The following STARD13 variants were observed in gnomAD, a reference collection of about 807,000 sequenced individuals.
STARD13 encodes stAR-related lipid transfer protein 13.
A neutral mutation model predicts 106.4 loss-of-function variants in STARD13; 62 were observed. The observed-to-expected ratio is 0.58, with a 90% CI of 0.48 to 0.72. STARD13 has a LOEUF of 0.72. Among genes scored for constraint, STARD13 ranks in the 30% least tolerant of loss-of-function variants. The probability of loss-of-function intolerance (pLI) is 0.00; values close to 1 mark genes in which losing one functional copy is unlikely to be tolerated. For missense variants in STARD13, 1,387 were observed against 1,424.0 expected (o/e 0.97, Z 0.42); for synonymous variants, 565 against 553.0 (o/e 1.02, Z -0.31).
the STARD13 span, among the ~76,000 whole-genome samples, chr13:33,577,001 A>G: frequency 3.4e-4 from 52 of 152,346 alleles, no homozygotes; most frequent in African/African-American, 1.2e-3. Flanking sequence ...TTATGATTCA[A>G]TAAACACAAG....
chr13:33,164,696 C>T (rs1883118986), intron 3 of STARD13, among the ~76,000 whole-genome samples: 1 of 152,184 alleles, frequency 6.6e-6, no homozygotes, highest in African/African-American at 2.4e-5. Flanking sequence ...ATTCACACCT[C>T]ATTTCTTCAA....
chr13:33,524,395 G>C, the STARD13 span: 1 of 487,488 alleles, frequency 2.1e-6, no homozygotes, highest in Admixed American at 5.0e-5. Flanking sequence ...TTTTTAAAGA[G>C]GTTTTTTTCA....
the STARD13 span, among the ~76,000 whole-genome samples, chr13:33,527,821 A>T: frequency 6.6e-6 from 1 of 151,834 alleles, no homozygotes; most frequent in South Asian, 2.1e-4. Flanking sequence ...TCTTACTCAG[A>T]TGATTTGAAA....
the STARD13 span, among the ~76,000 whole-genome samples, chr13:33,668,568 C>T: frequency 0.04 from 6,097 of 152,234 alleles, 253 homozygotes; most frequent in African/African-American, 0.1. Flanking sequence ...GACTGTGCTC[C>T]CATGTGCCCA....
the STARD13 span, among the ~76,000 whole-genome samples, chr13:33,504,612 G>A: frequency 8.4e-6 from 1 of 119,326 alleles, no homozygotes; most frequent in African/African-American, 3.0e-5. Context: ...TCATGGGGTG[G>A]GGGGAGGGGA....
chr13:33,666,222 T>C, the STARD13 span, among the ~76,000 whole-genome samples: 73 of 152,340 alleles, frequency 4.8e-4, no homozygotes, highest in African/African-American at 1.7e-3. Flanking sequence ...ATTGTTGTTT[T>C]AATGTTACTA....
the STARD13 span, among the ~76,000 whole-genome samples, chr13:33,596,952 G>T: frequency 1.3e-5 from 2 of 152,126 alleles, no homozygotes; most frequent in Non-Finnish European, 2.9e-5. Context: ...GAACACTTAG[G>T]TTGGTTCCAC....
At chr13:33,451,780 T>C in the STARD13 span, among the ~76,000 whole-genome samples, 1 of 151,638 alleles carries the variant, frequency 6.6e-6, no homozygotes, top group Non-Finnish European at 1.5e-5. Context: ...GAAGTTGAAG[T>C]AAGATTGAAG....
chr13:33,229,485 CTT>C (rs1312197580), intron 1 of STARD13, among the ~76,000 whole-genome samples: 6 of 152,236 alleles, frequency 3.9e-5, no homozygotes, highest in African/African-American at 1.2e-4. Context: ...CCCTTTATCT[CTT>C]GTCGAACTCA....
intron 1 of STARD13, among the ~76,000 whole-genome samples, chr13:33,169,616 A>G (rs1285543621): frequency 6.6e-6 from 1 of 152,250 alleles, no homozygotes; most frequent in Non-Finnish European, 1.5e-5. Context: ...TCTTGGCATT[A>G]CATGAATCCT....
the STARD13 span, among the ~76,000 whole-genome samples, chr13:33,393,722 A>C: frequency 6.6e-6 from 1 of 152,204 alleles, no homozygotes; most frequent in Non-Finnish European, 1.5e-5. Flanking sequence ...TTTCATATAA[A>C]TTCTCTTACT....
the STARD13 span, among the ~76,000 whole-genome samples, chr13:33,477,625 C>T: frequency 2.1e-4 from 32 of 152,136 alleles, no homozygotes; most frequent in African/African-American, 7.2e-4. Context: ...ATATCCTCTT[C>T]CTTTTGGAGT....
the STARD13 span, among the ~76,000 whole-genome samples, chr13:33,648,024 A>G: frequency 6.4e-4 from 98 of 152,322 alleles, 1 homozygote; most frequent in African/African-American, 2.3e-3. Flanking sequence ...GTCTGTTTCT[A>G]TGTGCTGTGC....
chr13:33,131,966 T>C (rs552136949), intron 4 of STARD13, among the ~76,000 whole-genome samples: 1 of 152,382 alleles, frequency 6.6e-6, no homozygotes, highest in Non-Finnish European at 1.5e-5. Flanking sequence ...CCTACTAATC[T>C]TTTTATGTAT....
intron 1 of STARD13, among the ~76,000 whole-genome samples, chr13:33,252,587 C>T (rs999443870): frequency 2.6e-5 from 4 of 152,208 alleles, no homozygotes; most frequent in East Asian, 3.8e-4. Context: ...ATGTTGAAGC[C>T]GTCAGAGGGA....
chr13:33,330,659 A>G lies in STARD13; in HGVS notation c.124+19631T>C, dbSNP rs374727324. Among the ~76,000 whole-genome samples the G allele has an allele frequency of 2.6e-5, 4 of 152,328 alleles. No homozygotes were observed. The East Asian group carries it at 5.8e-4, about 22-fold the overall frequency. Reference sequence around the variant, plus strand: ...CTATTGCGCAAAAGTCCTCTGAAAAAATAGGTCAAGAAGTGATATCAGTTC... The same window carrying G: ...CTATTGCGCAAAAGTCCTCTGAAAAGATAGGTCAAGAAGTGATATCAGTTC... On this transcript the variant is annotated intron_variant, in intron 1 of 5. Transcript: ENST00000567873.
intron 1 of STARD13, among the ~76,000 whole-genome samples, chr13:33,207,663 G>A (rs918671488): frequency 8.5e-5 from 13 of 152,182 alleles, no homozygotes; most frequent in Non-Finnish European, 1.6e-4. Context: ...CTTCCTCCAT[G>A]AGAACGTCAT....
the STARD13 span, among the ~76,000 whole-genome samples, chr13:33,524,837 C>T: frequency 9.2e-5 from 14 of 152,052 alleles, no homozygotes; most frequent in East Asian, 9.7e-4. Context: ...ACCTCAAATA[C>T]TTATTTTTGT....
chr13:33,618,489 A>G, the STARD13 span, among the ~76,000 whole-genome samples: 1 of 149,272 alleles, frequency 6.7e-6, no homozygotes, highest in Non-Finnish European at 1.5e-5. Context: ...CCATCCCTTC[A>G]GTAATCCAAA....
Sources: gnomAD v4.1 joint callset for allele counts (sites outside exome capture counted in the v4.1 genomes callset) on GRCh38, gnomAD v4.1.1 for gene constraint, MANE v1.5 for transcripts, NCBI Gene and HGNC (gene_info 2026-07-23, HGNC 2026-07-21) for gene names.